Variants in ASPSCR1 observed in about 807,000 individuals in gnomAD.
ASPSCR1 encodes the protein tether containing UBX domain for GLUT4.
A neutral mutation model predicts 68.9 loss-of-function variants in ASPSCR1; 55 were observed. That is an observed-to-expected ratio of 0.80 (90% CI 0.64 to 1.00). The LOEUF (loss-of-function observed/expected upper bound fraction) is 1.00, where lower values mean the gene tolerates loss of function less well. Ranked by LOEUF, ASPSCR1 falls within the 50% of genes least tolerant of loss-of-function variation. ASPSCR1 has a pLI of 0.00. For synonymous variants in ASPSCR1, 352 were observed against 332.6 expected (o/e 1.06, Z -0.63); for missense variants, 765 against 762.2 (o/e 1.00, Z -0.04).
intron 3 of ASPSCR1, 47 bp from the exon 4 acceptor site, chr17:81,985,460 A>C (rs751233400): frequency 6.4e-7 from 1 of 1,570,580 alleles, no homozygotes; most frequent in Non-Finnish European, 8.8e-7. Flanking sequence ...TAGAAGGAAT[A>C]GTTGCTTTTC....
In ASPSCR1 at chr17:81,978,062, G is replaced by A. The variant is rs548382180; in HGVS notation, c.102+314G>A. 2.2e-3 allele frequency: 433 copies of A among 197,856 alleles called. 1 individual carries two copies. The highest frequency in any genetic ancestry group is 3.2e-3 in the Non-Finnish European group (318 of 98,984). 12.3% of individuals were successfully genotyped at this position (197,856 alleles called of 1,614,324 possible). On this transcript the variant is annotated intron_variant, in intron 1 of 15. Transcript: ENST00000306739. ...CAGCTCGCGAGGGCGCCGGGAAGAG[G>A]GAGGAGTGGAGCCCTAGACCCGCGT...
rs1224501977 is a variant in ASPSCR1 at position 81,990,900 on chromosome 17, C to A, written c.375-3921C>A. ...TGACTCGGGGGATACTGTAGCACGT[C>A]TGGGCAGTCCACGAGGGCAGGCGGG... On this transcript the variant is annotated intron_variant, in intron 4 of 15. Transcript: ENST00000306739. The surrounding 1 kb of genome is among the most constrained non-coding windows in gnomAD (Gnocchi z 4.1). Among the ~76,000 whole-genome samples the A allele has an allele frequency of 6.6e-6, 1 of 152,138 alleles. No individual in the cohort carries two copies. Among genetic ancestry groups the A allele is most frequent in the African/African-American group, 2.4e-5 (1 of 41,424 alleles).
intron 11 of ASPSCR1, 21 bp downstream of exon 11, chr17:82,011,626 C>G: frequency 6.2e-7 from 1 of 1,603,610 alleles, no homozygotes; most frequent in South Asian, 1.1e-5. Flanking sequence ...TCTCCTGAGC[C>G]CACTCCTGCC....
Position 81,977,954 on chromosome 17 carries a change from G to A in ASPSCR1, c.102+206G>A, listed in dbSNP as rs2041662815. 3.1e-6 allele frequency: 1 copy of A among 320,688 alleles called. No homozygotes were observed. Among genetic ancestry groups the A allele is most frequent in the East Asian group, 5.2e-5 (1 of 19,216 alleles). 19.9% of individuals were successfully genotyped at this position (320,688 alleles called of 1,614,324 possible). ...GGTCCCGGGGGTCCCGAGTGGGGGC[G>A]GGGCGGTGGCGAGCCTTCCCAGGGG... On this transcript the variant is annotated intron_variant, in intron 1 of 15. Transcript: ENST00000306739. The surrounding 1 kb of genome is among the most constrained non-coding windows in gnomAD (Gnocchi z 5.0).
At chr17:82,014,897 A>T in intron 12 of ASPSCR1, 1 of 775,294 alleles carries the variant, frequency 1.3e-6, no homozygotes, top group Non-Finnish European at 2.0e-6. Context: ...AGGCTGTGTC[A>T]GGGCAGGGCG....
chr17:82,010,995 C>A, intron 10 of ASPSCR1, 127 bp downstream of exon 10: 1 of 1,149,110 alleles, frequency 8.7e-7, no homozygotes, highest in Non-Finnish European at 1.2e-6. Flanking sequence ...TGGGTGGGTG[C>A]GGGTGCTGAT....
At chr17:82,011,079 G>T (rs1040628331) in intron 10 of ASPSCR1, among the ~76,000 whole-genome samples, 1 of 152,170 alleles carries the variant, frequency 6.6e-6, no homozygotes, top group South Asian at 2.1e-4. Context: ...CAGGTGCCCG[G>T]CCCCAGCTCA....
intron 7 of ASPSCR1, among the ~76,000 whole-genome samples, chr17:81,998,488 T>C (rs1277059629): frequency 2.0e-5 from 3 of 152,180 alleles, no homozygotes; most frequent in Non-Finnish European, 4.4e-5. Context: ...TTCCTTGTCT[T>C]GATCGTAACA....
At chr17:82,005,230 C>T (rs1372976998) in intron 7 of ASPSCR1, 1 of 152,164 alleles carries the variant, frequency 6.6e-6, no homozygotes, top group African/African-American at 2.4e-5. Flanking sequence ...GGCCTCTGCT[C>T]AGTGGCAGGG....
chr17:81,987,955 C>G lies in ASPSCR1; in HGVS notation c.374+2348C>G. ...CGGGTGGATCACGAGGTCAGGAGTT[C>G]GAGACCAGCCTGGCCAATATGGTGA... On this transcript the variant is annotated intron_variant, in intron 4 of 15. Coordinates refer to ENST00000306739, the MANE Select transcript of ASPSCR1 (RefSeq NM_024083.4). This position sits in a 1 kb window ranked among gnomAD's most constrained non-coding sequence, Gnocchi z 5.6. Among the ~76,000 whole-genome samples, 1 of 151,838 alleles carries G rather than the reference C, an allele frequency of 6.6e-6. No individual in the cohort carries two copies. Among genetic ancestry groups the G allele is most frequent in the South Asian group, 2.1e-4 (1 of 4,812 alleles).
chr17:82,012,417 T>G (rs2042981731), intron 12 of ASPSCR1, 134 bp downstream of exon 12: 1 of 1,108,698 alleles, frequency 9.0e-7, no homozygotes. Flanking sequence ...TGAGAGCCGG[T>G]GGGTTCCGAG....
intron 4 of ASPSCR1, among the ~76,000 whole-genome samples, chr17:81,988,389 A>T (rs1269142108): frequency 1.4e-5 from 2 of 147,984 alleles, no homozygotes; most frequent in Non-Finnish European, 3.0e-5. Flanking sequence ...CGGGAGGCGG[A>T]GGTTGTAGTG....
In ASPSCR1 at chr17:82,009,541, A is replaced by G; in HGVS notation, c.1144A>G (p.Lys382Glu). 1 of 1,418,466 alleles carries G rather than the reference A, an allele frequency of 7.0e-7. No individual in the cohort carries two copies. 87.9% of individuals were successfully genotyped at this position (1,418,466 alleles called of 1,614,324 possible). A position where few individuals can be genotyped will look rare whatever the true frequency, so the allele number is the denominator to read the frequency against. ...CAAGGCCTTCAGGGAGGCGCAGATA[A>G]AGGAGAAGCTGGAGCGCTACCCAAA... Reference protein sequence around the residue: ...VTKAFREAQIKEKLERYPKVA... With the variant: ...VTKAFREAQIEEKLERYPKVA... The change falls in exon 9 of 16, where the codon AAG (lysine) becomes GAG (glutamate). Residue 382 changes from lysine (K) to glutamate (E), a missense_variant. Lys to Glu is a moderately conservative substitution (Grantham distance 56, BLOSUM62 1). Coordinates refer to ENST00000306739, the MANE Select transcript of ASPSCR1 (RefSeq NM_024083.4).
At chr17:81,988,928 C>T (rs944192798) in intron 4 of ASPSCR1, among the ~76,000 whole-genome samples, 6 of 152,214 alleles carry the variant, frequency 3.9e-5, no homozygotes, top group Non-Finnish European at 7.3e-5. Context: ...CATTTCCAGG[C>T]CGGGCATGGC....
At position 82,016,977 on chromosome 17, in the gene ASPSCR1, G is replaced by A. The variant is rs750010043; in HGVS notation, c.1512G>A (p.Leu504=). 6.2e-7 allele frequency: 1 copy of A among 1,612,080 alleles called. No individual in the cohort carries two copies. The highest frequency in any genetic ancestry group is 8.5e-7 in the Non-Finnish European group (1 of 1,179,480). The change falls in exon 15 of 16, where the codon TTG becomes TTA. Residue 504 remains leucine (L), a synonymous_variant. Coordinates refer to ENST00000306739, the MANE Select transcript of ASPSCR1 (RefSeq NM_024083.4). ...GGGCCGCCGGGTCCCCTTCCCCATT[G>A]CCAGCCCCTGACCCTGCACCTAAGT... ...MSRAAGSPSP[L]PAPDPAPKSE...
chr17:82,016,526 A>G lies in ASPSCR1; in HGVS notation c.1404A>G (p.Ala468=), dbSNP rs757952986. 2.1e-5 allele frequency: 33 copies of G among 1,549,284 alleles called. No individual in the cohort carries two copies. The African/African-American group carries it at 3.3e-4, about 15-fold the overall frequency. The change falls in exon 13 of 16, where the codon GCA becomes GCG. Residue 468 remains alanine (A), a splice_region_variant and synonymous_variant. Transcript: ENST00000306739. ...TGCACTTGGGAGCCGAGGAGCCGGC[A>G]GGTGAGTGTCAGTGGTTGGGGCCAG... ...ALVHLGAEEP[A]GVYLEPGLLE... is the part of the protein sequence containing the mutation.
intron 7 of ASPSCR1, among the ~76,000 whole-genome samples, chr17:82,002,213 T>A (rs969814383): frequency 6.6e-6 from 1 of 151,982 alleles, no homozygotes; most frequent in Non-Finnish European, 1.5e-5. Context: ...TTTTTTCTTA[T>A]GAGTACCTCA....
rs1043532668 is a variant in ASPSCR1, at chr17:81,983,226, G to A, written c.159-328G>A. Among the ~76,000 whole-genome samples, 2 of 152,206 alleles carry A rather than the reference G, an allele frequency of 1.3e-5. No individual in the cohort carries two copies. Among genetic ancestry groups the A allele is most frequent in the Non-Finnish European group, 2.9e-5 (2 of 68,044 alleles). On this transcript the variant is annotated intron_variant, in intron 2 of 15. Transcript: ENST00000306739. This position sits in a 1 kb window ranked among gnomAD's most constrained non-coding sequence, Gnocchi z 4.4. ...CTTCCGCGAGTGCAGCAGTGTTCAC[G>A]CCCCAGTCGTTCTCTCTGTGTTTTC...
At chr17:81,992,275 C>T (rs1017987907) in intron 4 of ASPSCR1, among the ~76,000 whole-genome samples, 1 of 152,146 alleles carries the variant, frequency 6.6e-6, no homozygotes, top group Non-Finnish European at 1.5e-5. Flanking sequence ...TCCTCGGGCG[C>T]TGGAATTTCC....
Sources: allele counts gnomAD v4.1 joint callset (sites outside exome capture counted in the v4.1 genomes callset), GRCh38; gene constraint gnomAD v4.1.1; non-coding constraint Gnocchi (gnomAD v3.1); transcripts MANE v1.5; gene names NCBI Gene and HGNC (gene_info 2026-07-23, HGNC 2026-07-21).